MCAT: variants seen among roughly 807,000 people sequenced by gnomAD.
The protein encoded by MCAT is malonyl-CoA-acyl carrier protein transacylase, mitochondrial.
Under a neutral mutation model 22.9 loss-of-function variants are expected in MCAT, and 22 were observed. The observed-to-expected ratio is 0.96, with a 90% CI of 0.69 to 1.37. MCAT has a LOEUF of 1.37. MCAT is among the 40% of genes most tolerant of loss of function. MCAT has a pLI of 0.00. For missense variants in MCAT, 534 were observed against 533.6 expected (o/e 1.00, Z -0.01); for synonymous variants, 240 against 233.9 (o/e 1.03, Z -0.24).
chr22:43,133,046 T>G lies in MCAT; in HGVS notation c.1170A>C (p.Arg390Ser). The part of the protein sequence containing the change: ...HVDLDPQEPP[R>S] ...ATCGCATTTGAGCCCCCTGCAGTCA[T>G]CTCGGGGGCTCCTGAGGGTCCAGGT... Residue 390 changes from arginine (R) to serine (S), a missense_variant, in exon 4 of 4, where the codon AGA becomes AGC. Arg to Ser is a moderately radical substitution (Grantham distance 110). Transcript: ENST00000290429. The G allele has an allele frequency of 6.2e-7, 1 of 1,613,044 alleles. No individual in the cohort carries two copies. The highest frequency in any genetic ancestry group is 8.5e-7 in the Non-Finnish European group (1 of 1,179,238).
At position 43,132,763 on chromosome 22, in the gene MCAT, C is replaced by A; in HGVS notation, c.*280G>T. The A allele has an allele frequency of 2.2e-6, 1 of 451,620 alleles. No individual in the cohort carries two copies. Among genetic ancestry groups the A allele is most frequent in the Non-Finnish European group, 4.1e-6 (1 of 246,216 alleles). The allele number at this position is 451,620 out of a possible 1,614,324, so 28.0% of individuals were successfully genotyped here. On this transcript the variant is annotated 3_prime_UTR_variant, in exon 4 of 4. Coordinates refer to ENST00000290429, the MANE Select transcript of MCAT (RefSeq NM_173467.5). ...TGGCACACCTGCCTATGGTGCAGGG[C>A]TGGCAGAGGCGGGGCCAGGATTCTA... is the stretch of plus-strand genomic sequence containing the variant.
chr22:43,136,014 G>A (rs1337053776), intron 3 of MCAT, among the ~76,000 whole-genome samples: 4 of 152,152 alleles, frequency 2.6e-5, no homozygotes, highest in Non-Finnish European at 5.9e-5. Flanking sequence ...AGGCTGAGGT[G>A]GGGGGATCCC....
At chr22:43,134,297 G>A (rs984077802) in intron 3 of MCAT, among the ~76,000 whole-genome samples, 3 of 152,154 alleles carry the variant, frequency 2.0e-5, no homozygotes, top group African/African-American at 7.2e-5. Flanking sequence ...CCTCGGGCGA[G>A]CCAATAGCTC....
At chr22:43,141,587 T>C (rs1930770247) in intron 1 of MCAT, among the ~76,000 whole-genome samples, 1 of 152,174 alleles carries the variant, frequency 6.6e-6, no homozygotes, top group Non-Finnish European at 1.5e-5. Flanking sequence ...TTTTTTTTTT[T>C]TGAGGCGGAG....
Position 43,142,961 on chromosome 22 carries a change from C to G in MCAT, c.388G>C (p.Ala130Pro), listed in dbSNP as rs747618243. ...AGGTGATGTAGTTTCTCGACAGCGG[C>G]CAGCGATGCCACGAAGATCGCGGGC... Reference protein sequence around the residue: ...CQPAIFVASLAAVEKLHHLQP... With the variant: ...CQPAIFVASLPAVEKLHHLQP... The change falls in exon 1 of 4, where the codon GCC becomes CCC. Residue 130 changes from alanine (A) to proline (P), a missense_variant. Transcript: ENST00000290429. 9 of 1,594,084 alleles carry G rather than the reference C, an allele frequency of 5.6e-6. No homozygotes were observed. The highest frequency in any genetic ancestry group is 7.7e-6 in the Non-Finnish European group (9 of 1,170,132).
rs576774681 is a variant in MCAT, at chr22:43,143,173, G to A, written c.176C>T (p.Pro59Leu). Residue 59 changes from proline (P) to leucine (L), a missense_variant, in exon 1 of 4, where the codon CCG (proline) becomes CTG (leucine). Physicochemically the swap from Pro to Leu is moderately conservative, Grantham distance 98. Transcript: ENST00000290429. The part of the protein sequence containing the change: ...APWAATERRM[P>L]GQCSVLLFPG... The stretch of plus-strand genomic sequence containing the variant: ...GAAGAGCAGCACGGAGCACTGGCCC[G>A]GCATTCGCCGCTCCGTCGCCGCCCA... The A allele has an allele frequency of 1.0e-5, 16 of 1,558,266 alleles. No homozygotes were observed. The East Asian group carries it at 2.2e-4, about 21-fold the overall frequency.
At chr22:43,136,311 G>A (rs557158307) in intron 3 of MCAT, among the ~76,000 whole-genome samples, 36 of 152,388 alleles carry the variant, frequency 2.4e-4, no homozygotes, top group African/African-American at 8.4e-4. Flanking sequence ...GGGACATGAA[G>A]TAAGACAGAA....
At position 43,141,255 on chromosome 22, in the gene MCAT, G is replaced by C. The variant is rs1172200486; in HGVS notation, c.424-6C>G. ...GCAACACAGTTCTCAATCACCTGTG[G>C]GGACAGATGCAGAACGTGAGCCCTC... On this transcript the variant is annotated splice_polypyrimidine_tract_variant and splice_region_variant and intron_variant, in intron 1 of 3. Coordinates refer to ENST00000290429, the MANE Select transcript of MCAT (RefSeq NM_173467.5). 5.0e-6 allele frequency: 8 copies of C among 1,612,534 alleles called. No homozygotes were observed. The highest frequency in any genetic ancestry group is 5.9e-6 in the Non-Finnish European group (7 of 1,178,642).
intron 1 of MCAT, among the ~76,000 whole-genome samples, chr22:43,141,783 G>C (rs1930776263): frequency 6.6e-6 from 1 of 152,134 alleles, no homozygotes. Context: ...TGTTGGCCAG[G>C]CTGGTTTTGA....
At position 43,137,110 on chromosome 22, in the gene MCAT, C is replaced by T. The variant is rs201501579; in HGVS notation, c.700G>A (p.Asp234Asn). Residue 234 changes from aspartate (D) to asparagine (N), a missense_variant, in exon 3 of 4, where the codon GAT becomes AAT. By Grantham distance (23) the Asp-to-Asn change is conservative. Transcript: ENST00000290429. ...VCEVSNYLFP[D>N]CRVISGHQEA... is the part of the protein sequence containing the mutation. ...TGGTGTCCTGAAATCACCCTGCAATCTGGAAAGAGGTAGTTGGACACTTCA... is the reference window on the plus strand; with the variant it reads ...TGGTGTCCTGAAATCACCCTGCAATTTGGAAAGAGGTAGTTGGACACTTCA... The T allele has an allele frequency of 3.0e-5, 48 of 1,614,198 alleles. 1 individual carries two copies. The Admixed American group carries it at 5.5e-4, about 18-fold the overall frequency.
chr22:43,133,174 C>T lies in MCAT; in HGVS notation c.1042G>A (p.Val348Ile), dbSNP rs1930500216. 2 of 1,614,094 alleles carry T rather than the reference C, an allele frequency of 1.2e-6. No homozygotes were observed. Among genetic ancestry groups the T allele is most frequent in the Non-Finnish European group, 1.7e-6 (2 of 1,180,028 alleles). ...KGRGFPQTFEVGPGRQLGAIL... is the reference protein window; with the variant it reads ...KGRGFPQTFEIGPGRQLGAIL... ...GCTCCCAGCTGCCTGCCAGGGCCTA[C>T]TTCGAAAGTTTGGGGGAACCCCCTG... Residue 348 changes from valine to isoleucine, a missense_variant, in exon 4 of 4, where the codon GTA becomes ATA. Physicochemically the swap from Val to Ile is conservative, Grantham distance 29 (BLOSUM62 3). Coordinates refer to ENST00000290429, the MANE Select transcript of MCAT (RefSeq NM_173467.5).
At chr22:43,141,044 CT>C (rs762872779) in intron 2 of MCAT, 117 bp downstream of exon 2, 1 of 756,398 alleles carries the variant, frequency 1.3e-6, no homozygotes, top group South Asian at 1.5e-5. Flanking sequence ...AATGTCACCC[CT>C]GTCCATGTGC....
intron 3 of MCAT, among the ~76,000 whole-genome samples, chr22:43,136,706 A>G (rs1930622844): frequency 6.6e-6 from 1 of 152,256 alleles, no homozygotes; most frequent in African/African-American, 2.4e-5. Flanking sequence ...CACCTAAAAA[A>G]AGCAGGGCAG....
chr22:43,142,547 G>C (rs1398491120), intron 1 of MCAT, among the ~76,000 whole-genome samples: 2 of 152,108 alleles, frequency 1.3e-5, no homozygotes, highest in Non-Finnish European at 2.9e-5. Flanking sequence ...AGCACTTTGG[G>C]AGGCCGAGGC....
At position 43,133,427 on chromosome 22, in the gene MCAT, C is replaced by T; in HGVS notation, c.789G>A (p.Leu263=). ...SKFHFRRTRM[L]PVSGAFHTRL... ...GGGTGTGGAATGCGCCACTAACCGG[C>T]AACATCCTGGTGCGTCTGAAATGAA... Residue 263 remains leucine, a synonymous_variant, in exon 4 of 4, where the codon TTG becomes TTA. Coordinates refer to ENST00000290429, the MANE Select transcript of MCAT (RefSeq NM_173467.5). The T allele has an allele frequency of 6.2e-7, 1 of 1,614,060 alleles. No individual in the cohort carries two copies. Among genetic ancestry groups the T allele is most frequent in the Non-Finnish European group, 8.5e-7 (1 of 1,179,982 alleles).
chr22:43,137,374 C>T (rs1444539035), intron 2 of MCAT, 76 bp from the exon 3 acceptor site: 27 of 1,240,522 alleles, frequency 2.2e-5, no homozygotes, highest in Non-Finnish European at 3.1e-5. Flanking sequence ...AGAAACAAAG[C>T]CCAAGCTCCA....
chr22:43,142,137 G>C (rs1187759500), intron 1 of MCAT, among the ~76,000 whole-genome samples: 1 of 152,186 alleles, frequency 6.6e-6, no homozygotes, highest in African/African-American at 2.4e-5. Context: ...TAGGGTAAAG[G>C]ATCTCAAGTG....
chr22:43,141,236 C>A lies in MCAT; in HGVS notation c.437G>T (p.Cys146Phe), dbSNP rs776023050. ...CACACTGAATCCAGCAGCAGCAACA[C>A]AGTTCTCAATCACCTGTGGGGACAG... ...HHLQPSVIEN[C>F]VAAAGFSVGE... Residue 146 changes from cysteine to phenylalanine, a missense_variant, in exon 2 of 4, where the codon TGT becomes TTT. Physicochemically the swap from Cys to Phe is radical, Grantham distance 205. Coordinates refer to ENST00000290429, the MANE Select transcript of MCAT (RefSeq NM_173467.5). 3 of 1,614,096 alleles carry A rather than the reference C, an allele frequency of 1.9e-6. No individual in the cohort carries two copies. Among genetic ancestry groups the A allele is most frequent in the Non-Finnish European group, 2.5e-6 (3 of 1,179,988 alleles).
At chr22:43,137,625 CACT>C (rs1930655849) in intron 2 of MCAT, among the ~76,000 whole-genome samples, 3 of 152,182 alleles carry the variant, frequency 2.0e-5, no homozygotes, top group Non-Finnish European at 4.4e-5. Flanking sequence ...GGGAGAGTGC[CACT>C]GACGTCTAGT....
Sources: gnomAD v4.1 joint callset for allele counts (sites outside exome capture counted in the v4.1 genomes callset) on GRCh38, gnomAD v4.1.1 for gene constraint, MANE v1.5 for transcripts, NCBI Gene and HGNC (gene_info 2026-07-23, HGNC 2026-07-21) for gene names.